CUX1: variants seen among roughly 807,000 people sequenced by gnomAD.
The protein encoded by CUX1 is protein CASP.
Under a neutral mutation model 158.8 loss-of-function variants are expected in CUX1, and 31 were observed. The observed-to-expected ratio is 0.20, with a 90% CI of 0.15 to 0.26. The LOEUF (loss-of-function observed/expected upper bound fraction) is 0.26, where lower values mean the gene tolerates loss of function less well. Ranked by LOEUF, CUX1 falls within the 10% of genes least tolerant of loss-of-function variation. CUX1 has a pLI of 1.00. For missense variants in CUX1, 1,589 were observed against 2,014.6 expected, an observed-to-expected ratio of 0.79 and a Z score of 4.04; for synonymous variants, 879 against 862.1, an observed-to-expected ratio of 1.02 and a Z score of -0.34.
chr7:101,853,860 A>G (rs1266111053), intron 1 of CUX1, among the ~76,000 whole-genome samples: 10 of 152,132 alleles, frequency 6.6e-5, no homozygotes, highest in Admixed American at 5.9e-4. Context: ...CCCCCTGCCC[A>G]TGGTCATGAG....
chr7:102,238,170 CAG>C (rs528056284), intron 22 of CUX1, among the ~76,000 whole-genome samples: 1 of 152,134 alleles, frequency 6.6e-6, no homozygotes, highest in Admixed American at 6.5e-5. Context: ...GGTGGAGGAG[CAG>C]AGTCTTCTCT....
intron 1 of CUX1, among the ~76,000 whole-genome samples, chr7:101,821,657 T>G (rs1792563027): frequency 7.4e-6 from 1 of 135,874 alleles, no homozygotes; most frequent in African/African-American, 2.8e-5. Context: ...TTTTCTTTTC[T>G]TTTTTTCTTT....
chr7:102,068,748 A>G (rs1173895620), intron 3 of CUX1, among the ~76,000 whole-genome samples: 1 of 152,194 alleles, frequency 6.6e-6, no homozygotes, highest in Non-Finnish European at 1.5e-5. Context: ...GACAGACGGA[A>G]TATATAATTT....
intron 14 of CUX1, among the ~76,000 whole-genome samples, chr7:102,196,310 G>A (rs1206916849): frequency 2.0e-5 from 3 of 152,166 alleles, no homozygotes; most frequent in Non-Finnish European, 4.4e-5. Context: ...TAAGAGGCCC[G>A]CGACCCGTCA....
At chr7:101,830,403 G>C (rs1359533759) in intron 1 of CUX1, among the ~76,000 whole-genome samples, 1 of 152,136 alleles carries the variant, frequency 6.6e-6, no homozygotes, top group Non-Finnish European at 1.5e-5. Flanking sequence ...TCTTTTCCTC[G>C]GGGAATTATC....
intron 2 of CUX1, among the ~76,000 whole-genome samples, chr7:101,957,355 G>C (rs774258646): frequency 6.6e-6 from 1 of 152,154 alleles, no homozygotes; most frequent in Non-Finnish European, 1.5e-5. Flanking sequence ...GATTATTTTT[G>C]GTTGGTGTGA....
In CUX1 at chr7:102,108,736, T is replaced by TG. The variant is rs1830610289; in HGVS notation, c.531-2962_531-2961insG. 2.8e-5 allele frequency among the ~76,000 whole-genome samples: 4 copies of TG among 144,970 alleles called. 1 individual carries two copies. The highest frequency in any genetic ancestry group is 1.0e-4 in the African/African-American group (4 of 38,160). ...GAAGCTAGAATTTACTTCATTCATT[T>TG]TGTGTGTGTGTGTGTGTGTGTGTGT... On this transcript the variant is annotated intron_variant, in intron 6 of 23. Transcript: ENST00000292535.
At chr7:102,065,196 C>T (rs1262513180) in intron 3 of CUX1, among the ~76,000 whole-genome samples, 1 of 152,092 alleles carries the variant, frequency 6.6e-6, no homozygotes, top group African/African-American at 2.4e-5. Context: ...ATCCTCCCAC[C>T]TCAGCCTCCG....
At chr7:101,816,927 GGTTT>G, upstream of CUX1, 1 of 981,946 alleles carries the variant, frequency 1.0e-6, no homozygotes, top group South Asian at 4.7e-5. Flanking sequence ...CGGACCCCCG[GGTTT>G]GTTTACGTCC....
chr7:102,153,128 C>T (rs547370817), intron 8 of CUX1, among the ~76,000 whole-genome samples: 8 of 152,106 alleles, frequency 5.3e-5, no homozygotes, highest in African/African-American at 1.4e-4. Flanking sequence ...CGTGGTTTTC[C>T]GGATATTCGG....
chr7:102,074,595 G>A (rs1307231510), intron 4 of CUX1, among the ~76,000 whole-genome samples: 3 of 152,222 alleles, frequency 2.0e-5, no homozygotes, highest in African/African-American at 7.2e-5. Flanking sequence ...AATGACTGAA[G>A]GAGTCAATGG....
intron 2 of CUX1, among the ~76,000 whole-genome samples, chr7:101,940,249 A>AG (rs1469284168): frequency 1.3e-5 from 2 of 151,298 alleles, no homozygotes; most frequent in Non-Finnish European, 3.0e-5. Context: ...CAGGAAAAAA[A>AG]AAAAAAAGAG....
chr7:101,973,883 C>T (rs1011851201), intron 2 of CUX1, among the ~76,000 whole-genome samples: 2 of 151,582 alleles, frequency 1.3e-5, no homozygotes, highest in African/African-American at 2.4e-5. Context: ...ATTCTCCTAC[C>T]TCAGCCTCCC....
intron 2 of CUX1, among the ~76,000 whole-genome samples, chr7:101,949,352 G>C (rs1415014959): frequency 1.3e-5 from 2 of 151,794 alleles, no homozygotes; most frequent in Non-Finnish European, 2.9e-5. Context: ...GGATAGTCTC[G>C]ATCTCCTGAC....
At chr7:102,091,851 G>C (rs1554482365) in intron 4 of CUX1, among the ~76,000 whole-genome samples, 1 of 150,958 alleles carries the variant, frequency 6.6e-6, no homozygotes, top group African/African-American at 2.4e-5. Context: ...CACCTCCCAG[G>C]CTCAAGCAAT....
Position 101,948,483 on chromosome 7 carries a change from T to G in CUX1, c.141+32258T>G, listed in dbSNP as rs1808653823. ...GAGCCTTTAAAATAAGGGCTAGCCT[T>G]GGAACGTTGCCTGCTTTGTAGATTT... On this transcript the variant is annotated intron_variant, in intron 2 of 23. Coordinates refer to ENST00000292535, the MANE Select transcript of CUX1 (RefSeq NM_181552.4). Among the ~76,000 whole-genome samples the G allele has an allele frequency of 1.3e-5, 2 of 152,300 alleles. 1 individual carries two copies. Among genetic ancestry groups the G allele is most frequent in the South Asian group, 4.1e-4 (2 of 4,834 alleles).
intron 8 of CUX1, among the ~76,000 whole-genome samples, chr7:102,147,664 C>T (rs915841063): frequency 6.6e-6 from 1 of 152,166 alleles, no homozygotes; most frequent in African/African-American, 2.4e-5. Flanking sequence ...GGCTGTCTGT[C>T]AAGAAGACAG....
At chr7:102,019,029 C>T (rs1407990484) in intron 2 of CUX1, among the ~76,000 whole-genome samples, 1 of 152,164 alleles carries the variant, frequency 6.6e-6, no homozygotes, top group African/African-American at 2.4e-5. Flanking sequence ...CATTGGCATC[C>T]AGGCTCCACC....
At chr7:101,981,931 A>G (rs1456322580) in intron 2 of CUX1, among the ~76,000 whole-genome samples, 1 of 152,168 alleles carries the variant, frequency 6.6e-6, no homozygotes, top group African/African-American at 2.4e-5. Flanking sequence ...CTTGACTCTA[A>G]TAAAACCAGG....
Sources: gnomAD v4.1 joint callset for allele counts (sites outside exome capture counted in the v4.1 genomes callset) on GRCh38, gnomAD v4.1.1 for gene constraint, MANE v1.5 for transcripts, NCBI Gene and HGNC (gene_info 2026-07-23, HGNC 2026-07-21) for gene names.